Variants in DET1 observed in about 807,000 individuals in gnomAD.
DET1 encodes the protein DET1 partner of COP1 E3 ubiquitin ligase, also known as DET1 homolog.
In DET1, 22 loss-of-function variants were observed where a neutral mutation model predicts 43.7. That is an observed-to-expected ratio of 0.50 (90% CI 0.36 to 0.72). The LOEUF (loss-of-function observed/expected upper bound fraction) is 0.72, where lower values mean the gene tolerates loss of function less well. DET1 is among the 30% of genes least tolerant of loss of function. DET1 has a pLI of 0.00. For synonymous variants in DET1, 315 were observed against 266.2 expected, an observed-to-expected ratio of 1.18 and a Z score of -1.79; for missense variants, 713 against 713.3, an observed-to-expected ratio of 1.00 and a Z score of 0.00.
At chr15:88,502,602 A>C (rs1262976844) in intron 8 of DET1, 4 of 152,232 alleles carry the variant, frequency 2.6e-5, no homozygotes, top group Non-Finnish European at 4.4e-5. Context: ...AACTGCTGAC[A>C]ACTCGCCTGG....
Position 88,531,932 on chromosome 15 carries a change from G to A in DET1, c.-10-217C>T, listed in dbSNP as rs1301275876. 1.1e-5 allele frequency: 6 copies of A among 529,406 alleles called. No homozygotes were observed. Among genetic ancestry groups the A allele is most frequent in the South Asian group, 1.1e-4 (4 of 37,104 alleles). 32.8% of individuals were successfully genotyped at this position (529,406 alleles called of 1,614,324 possible). Reference sequence around the variant, plus strand: ...TCTAAGGGAAGGATCTAGTTCACTAGGAATACCTTCCAAGTATGCTCAGCT... The same window carrying A: ...TCTAAGGGAAGGATCTAGTTCACTAAGAATACCTTCCAAGTATGCTCAGCT... On this transcript the variant is annotated intron_variant, in intron 1 of 4. Coordinates refer to ENST00000268148, the MANE Select transcript of DET1 (RefSeq NM_001144074.3). This position sits in a 1 kb window ranked among gnomAD's most constrained non-coding sequence, Gnocchi z 6.2.
At chr15:88,524,322 G>C (rs1042469126) in intron 3 of DET1, among the ~76,000 whole-genome samples, 121 of 151,734 alleles carry the variant, frequency 8.0e-4, no homozygotes, top group African/African-American at 2.8e-3. Context: ...CCGCCCAGCA[G>C]CTGCCCAGTC....
chr15:88,531,861 A>G lies in DET1; in HGVS notation c.-10-146T>C. 2 of 748,476 alleles carry G rather than the reference A, an allele frequency of 2.7e-6. No homozygotes were observed. Among genetic ancestry groups the G allele is most frequent in the South Asian group, 3.9e-5 (2 of 51,158 alleles). 46.4% of individuals were successfully genotyped at this position (748,476 alleles called of 1,614,324 possible). On this transcript the variant is annotated intron_variant, in intron 1 of 4. Transcript: ENST00000268148. The surrounding 1 kb of genome is among the most constrained non-coding windows in gnomAD (Gnocchi z 6.2). Reference sequence around the variant, plus strand: ...AGTGACTGGCATTACTACTTCCCAGATTATACTGAGTAAGTGGTCCTAACA... The same window carrying G: ...AGTGACTGGCATTACTACTTCCCAGGTTATACTGAGTAAGTGGTCCTAACA...
At position 88,527,573 on chromosome 15, in the gene DET1, C is replaced by T. The variant is rs768859917; in HGVS notation, c.1271+26G>A. The T allele has an allele frequency of 5.2e-6, 8 of 1,548,448 alleles. No homozygotes were observed. The South Asian group carries it at 9.8e-5, about 19-fold the overall frequency. On this transcript the variant is annotated intron_variant, in intron 3 of 4. Transcript: ENST00000268148. ...AACACCAATTTTTCTAAAGAAAAGA[C>T]TGTTGAGTCTGGTGGAACAGCTTAC...
At chr15:88,515,927 A>G (rs2056333413) in intron 4 of DET1, among the ~76,000 whole-genome samples, 1 of 152,204 alleles carries the variant, frequency 6.6e-6, no homozygotes. Flanking sequence ...AAAACTTTCC[A>G]TAATAAAAAA....
chr15:88,511,507 A>C (rs1014626419), downstream of DET1: 1 of 985,284 alleles, frequency 1.0e-6, no homozygotes, highest in African/African-American at 1.7e-5. Context: ...CATACAACAC[A>C]TTCCCATTGA....
chr15:88,540,525 A>G (rs1041841914), intron 1 of DET1, among the ~76,000 whole-genome samples: 1 of 151,930 alleles, frequency 6.6e-6, no homozygotes, highest in Non-Finnish European at 1.5e-5. Context: ...GCCCCCTCCA[A>G]TGTATGCTGG....
chr15:88,530,912 A>T lies in DET1; in HGVS notation c.794T>A (p.Leu265Gln). ...TIGRFCYEDD[L>Q]LTVSAVFPEV... Reference sequence around the variant, plus strand: ...AGGGAAAACAGCTGACACAGTGAGCAGGTCATCCTCATAGCAAAAGCGGCC... The same window carrying T: ...AGGGAAAACAGCTGACACAGTGAGCTGGTCATCCTCATAGCAAAAGCGGCC... Residue 265 changes from leucine to glutamine, a missense_variant, in exon 2 of 5, where the codon CTG (leucine) becomes CAG (glutamine). Coordinates refer to ENST00000268148, the MANE Select transcript of DET1 (RefSeq NM_001144074.3). 6.2e-7 allele frequency: 1 copy of T among 1,614,048 alleles called. No homozygotes were observed. The highest frequency in any genetic ancestry group is 1.6e-4 in the Middle Eastern group (1 of 6,062).
Position 88,516,813 on chromosome 15 carries a change from G to A in DET1, c.1432C>T (p.Arg478Trp), listed in dbSNP as rs1395082030. The change falls in exon 4 of 5, where the codon CGG becomes TGG. Residue 478 changes from arginine to tryptophan, a missense_variant. Arg to Trp is a moderately radical substitution (Grantham distance 101). Coordinates refer to ENST00000268148, the MANE Select transcript of DET1 (RefSeq NM_001144074.3). This position sits in a 1 kb window ranked among gnomAD's most constrained non-coding sequence, Gnocchi z 4.4. ...YDDKWVSVME[R>W]PKTCGDHPIR... ...GGGTGATCTCCACAAGTCTTGGGCC[G>A]CTCCATGACAGATACCCACTTGTCA... is the stretch of plus-strand genomic sequence containing the variant. 3.1e-6 allele frequency: 5 copies of A among 1,600,916 alleles called. No homozygotes were observed. Among genetic ancestry groups the A allele is most frequent in the South Asian group, 1.1e-5 (1 of 88,602 alleles).
chr15:88,527,843 A>T, intron 2 of DET1, 57 bp from the exon 3 acceptor site: 7 of 1,329,928 alleles, frequency 5.3e-6, no homozygotes. Context: ...CATGCGTAGG[A>T]AACTTAGCAC....
At chr15:88,522,644 G>A (rs2056529577) in intron 3 of DET1, among the ~76,000 whole-genome samples, 1 of 150,952 alleles carries the variant, frequency 6.6e-6, no homozygotes, top group African/African-American at 2.4e-5. Flanking sequence ...GAGTAGCTGG[G>A]ACTACAGGCG....
chr15:88,503,933 T>G (rs1470962347), exon 8 of DET1: 6 of 150,958 alleles, frequency 4.0e-5, no homozygotes, highest in Admixed American at 4.0e-4. Flanking sequence ...CCAGGAGGTC[T>G]ACAGTGAGCC....
Position 88,543,431 on chromosome 15 carries a change from G to A in DET1, c.-11+3109C>T, listed in dbSNP as rs146027116. Among the ~76,000 whole-genome samples the A allele has an allele frequency of 2.0e-3, 305 of 152,286 alleles. 3 individuals are homozygous for A. In the South Asian group the frequency reaches 0.024, roughly 12 times the overall value. On this transcript the variant is annotated intron_variant, in intron 1 of 4. Transcript: ENST00000268148. ...ATATCAGAGTTGTTGAATCAGCCTC[G>A]TTTGACTTTCTCTCCCACATGGTGT...
chr15:88,531,335 A>T lies in DET1; in HGVS notation c.371T>A (p.Phe124Tyr). The change falls in exon 2 of 5, where the codon TTT becomes TAT. Residue 124 changes from phenylalanine (F) to tyrosine (Y), a missense_variant. By Grantham distance (22) the Phe-to-Tyr change is conservative (BLOSUM62 3). Transcript: ENST00000268148. The surrounding 1 kb of genome is among the most constrained non-coding windows in gnomAD (Gnocchi z 6.2). ...ATTGGTAATGTGCAGCAGGACAAAA[A>T]AGCGTTCAAAGAGCCGGCCCCGGAT... ...VNIRGRLFER[F>Y]FVLLHITNVA... 6.2e-7 allele frequency: 1 copy of T among 1,613,956 alleles called. No homozygotes were observed. The highest frequency in any genetic ancestry group is 2.2e-5 in the East Asian group (1 of 44,874).
At position 88,512,699 on chromosome 15, in the gene DET1, T is replaced by A. The variant is rs1253739844; in HGVS notation, c.*252A>T. The A allele has an allele frequency of 1.6e-6, 2 of 1,222,928 alleles. No individual in the cohort carries two copies. Among genetic ancestry groups the A allele is most frequent in the African/African-American group, 3.1e-5 (2 of 64,866 alleles). The allele number at this position is 1,222,928 out of a possible 1,614,324, so 75.8% of individuals were successfully genotyped here. The stretch of plus-strand genomic sequence containing the variant: ...AAAGTAAAGCAAAAATGAAATGGAC[T>A]TAATTAATGCTGGGCATTCCCACAG... On this transcript the variant is annotated 3_prime_UTR_variant, in exon 5 of 5. Transcript: ENST00000268148.
intron 1 of DET1, among the ~76,000 whole-genome samples, chr15:88,543,826 G>A (rs983320798): frequency 1.3e-5 from 2 of 152,158 alleles, no homozygotes; most frequent in East Asian, 3.9e-4. Flanking sequence ...AGCAGGAAAG[G>A]CTATCAAAAA....
In DET1 at chr15:88,523,529, C is replaced by T. The variant is rs545762661; in HGVS notation, c.1271+4070G>A. The stretch of plus-strand genomic sequence containing the variant: ...GTACTGCCGCCATCTCGGCTCACTG[C>T]AACCTCCCTGCCTGATTCTCCTGCC... On this transcript the variant is annotated intron_variant, in intron 3 of 4. Coordinates refer to ENST00000268148, the MANE Select transcript of DET1 (RefSeq NM_001144074.3). Among the ~76,000 whole-genome samples the T allele has an allele frequency of 1.2e-3, 176 of 152,300 alleles. 2 individuals are homozygous for T. The highest frequency in any genetic ancestry group is 4.0e-3 in the African/African-American group (166 of 41,564).
Position 88,513,028 on chromosome 15 carries a change from C to T in DET1, c.1576G>A (p.Glu526Lys). 1 of 1,614,050 alleles carries T rather than the reference C, an allele frequency of 6.2e-7. No individual in the cohort carries two copies. ...RLVAFTFHPF[E>K]PFAISVQRTN... ...CTCTGCACAGAAATAGCGAAAGGCTCAAAAGGGTGAAAGGTGAAGGCAACA... is the reference window on the plus strand; with the variant it reads ...CTCTGCACAGAAATAGCGAAAGGCTTAAAAGGGTGAAAGGTGAAGGCAACA... Residue 526 changes from glutamate to lysine, a missense_variant, in exon 5 of 5, where the codon GAG (glutamate) becomes AAG (lysine). By Grantham distance (56) the Glu-to-Lys change is moderately conservative (BLOSUM62 1). Coordinates refer to ENST00000268148, the MANE Select transcript of DET1 (RefSeq NM_001144074.3).
chr15:88,510,567 T>C (rs981866431), downstream of DET1, among the ~76,000 whole-genome samples: 3 of 152,178 alleles, frequency 2.0e-5, no homozygotes, highest in Non-Finnish European at 4.4e-5. Context: ...TCTGACTTAA[T>C]AATGGCTCAA....
Sources: allele counts gnomAD v4.1 joint callset (sites outside exome capture counted in the v4.1 genomes callset), GRCh38; gene constraint gnomAD v4.1.1; non-coding constraint Gnocchi (gnomAD v3.1); transcripts MANE v1.5; gene names NCBI Gene and HGNC (gene_info 2026-07-23, HGNC 2026-07-21).